PATJ: variants seen among roughly 807,000 people sequenced by gnomAD.
PATJ encodes inaD-like protein.
PATJ carries 190 observed loss-of-function variants against 224.9 expected under a neutral mutation model. That is an observed-to-expected ratio of 0.84 (90% CI 0.75 to 0.95). The LOEUF is 0.95. Ranked by LOEUF, PATJ falls within the 40% of genes least tolerant of loss-of-function variation. The pLI, the probability that PATJ is intolerant of heterozygous loss-of-function variation, is 0.00. For synonymous variants in PATJ, 769 were observed against 820.3 expected, an observed-to-expected ratio of 0.94 and a Z score of 1.07; for missense variants, 2,121 against 2,270.3, an observed-to-expected ratio of 0.93 and a Z score of 1.34.
intron 17 of PATJ, among the ~76,000 whole-genome samples, chr1:61,843,756 T>C (rs937043526): frequency 5.3e-5 from 8 of 152,038 alleles, no homozygotes; most frequent in Non-Finnish European, 4.4e-5. Context: ...TGCCTATGCT[T>C]TTCTTAACTC....
chr1:62,123,123 T>C (rs1238001989), intron 39 of PATJ, 65 bp downstream of exon 39: 3 of 1,125,416 alleles, frequency 2.7e-6, no homozygotes, highest in African/African-American at 1.6e-5. Context: ...AAATGTACAT[T>C]TTCCCCAATA....
intron 37 of PATJ, among the ~76,000 whole-genome samples, chr1:62,119,301 C>T (rs1664794516): frequency 6.6e-6 from 1 of 152,118 alleles, no homozygotes; most frequent in African/African-American, 2.4e-5. Flanking sequence ...TGAAGACTGA[C>T]CCTGGTGGGC....
chr1:62,139,765 T>TTTC (rs199945328), intron 41 of PATJ, among the ~76,000 whole-genome samples: 4,773 of 151,628 alleles, frequency 0.031, 125 homozygotes, highest in South Asian at 0.11. Flanking sequence ...CTTTTTTTTT[T>TTTC]TTCTTTTTTT....
chr1:62,117,379 T>G, intron 37 of PATJ, 161 bp downstream of exon 37: 1 of 1,424,378 alleles, frequency 7.0e-7, no homozygotes, highest in Non-Finnish European at 9.1e-7. Context: ...AAATGAAAGG[T>G]GGGATGGAAA....
intron 41 of PATJ, among the ~76,000 whole-genome samples, chr1:62,129,937 AAAAAT>A (rs1666095896): frequency 6.6e-6 from 1 of 152,124 alleles, no homozygotes; most frequent in Admixed American, 6.6e-5. Flanking sequence ...AGACTGTCTC[AAAAAT>A]AAAATAAAAT....
chr1:61,887,535 C>A (rs1669058971), intron 22 of PATJ, among the ~76,000 whole-genome samples: 1 of 152,060 alleles, frequency 6.6e-6, no homozygotes, highest in Non-Finnish European at 1.5e-5. Flanking sequence ...AAATATTTAC[C>A]CTCTTTTTCC....
At chr1:61,944,009 G>A (rs1678261809) in intron 27 of PATJ, among the ~76,000 whole-genome samples, 1 of 152,184 alleles carries the variant, frequency 6.6e-6, no homozygotes, top group Admixed American at 6.5e-5. Flanking sequence ...TGAGGGTCCT[G>A]ACTGTTAGAA....
intron 1 of PATJ, among the ~76,000 whole-genome samples, chr1:61,761,858 G>C (rs1393482756): frequency 2.0e-5 from 3 of 151,586 alleles, no homozygotes; most frequent in African/African-American, 7.3e-5. Flanking sequence ...GCTGATTTTT[G>C]AATTTTTTTT....
chr1:61,866,397 A>C (rs1665432311), intron 20 of PATJ, among the ~76,000 whole-genome samples: 1 of 152,216 alleles, frequency 6.6e-6, no homozygotes, highest in Admixed American at 6.5e-5. Context: ...TGAGATGTTA[A>C]ATTTTTTTTG....
At chr1:62,131,868 TA>T (rs1666296662) in intron 41 of PATJ, among the ~76,000 whole-genome samples, 1 of 97,840 alleles carries the variant, frequency 1.0e-5, no homozygotes, top group Non-Finnish European at 2.1e-5. Context: ...ATGAATGAAT[TA>T]TTATTTTTTT....
At chr1:61,823,658 A>G (rs1464769663) in intron 15 of PATJ, among the ~76,000 whole-genome samples, 2 of 152,232 alleles carry the variant, frequency 1.3e-5, no homozygotes, top group Non-Finnish European at 2.9e-5. Context: ...AGGATACACA[A>G]GAAGCCCTAG....
chr1:61,902,091 CGTG>C (rs1389841390), intron 24 of PATJ, among the ~76,000 whole-genome samples: 1 of 151,928 alleles, frequency 6.6e-6, no homozygotes, highest in Non-Finnish European at 1.5e-5. Context: ...CGTAGTGGCA[CGTG>C]CCTGTATTCC....
chr1:61,892,932 CTATTGATCA>C (rs1341908194), intron 22 of PATJ, among the ~76,000 whole-genome samples: 2 of 152,016 alleles, frequency 1.3e-5, no homozygotes, highest in African/African-American at 4.8e-5. Context: ...ACTGATTGAG[CTATTGATCA>C]TACTTAGTGA....
At chr1:62,134,407 G>A (rs921960704) in intron 41 of PATJ, among the ~76,000 whole-genome samples, 3 of 147,436 alleles carry the variant, frequency 2.0e-5, no homozygotes, top group Non-Finnish European at 4.5e-5. Context: ...GTGCAATGGC[G>A]TGATCCTGGC....
intron 17 of PATJ, among the ~76,000 whole-genome samples, chr1:61,849,699 C>T (rs1244602096): frequency 1.3e-5 from 2 of 152,208 alleles, no homozygotes; most frequent in African/African-American, 4.8e-5. Context: ...TCAAAATTAT[C>T]AAAGGAAATA....
chr1:62,000,269 A>G (rs1251985386), intron 28 of PATJ, among the ~76,000 whole-genome samples: 2 of 150,090 alleles, frequency 1.3e-5, no homozygotes, highest in East Asian at 2.0e-4. Flanking sequence ...ACATATGTAT[A>G]CATGTGCCAT....
chr1:62,025,788 A>G (rs760396026), intron 29 of PATJ, among the ~76,000 whole-genome samples: 3 of 152,194 alleles, frequency 2.0e-5, no homozygotes, highest in Non-Finnish European at 2.9e-5. Context: ...GTGCCACTGC[A>G]CTCCACCCTG....
intron 14 of PATJ, among the ~76,000 whole-genome samples, chr1:61,814,547 T>TGTGTGTGTGTGTGTGTGTGC (rs370488022): frequency 2.1e-5 from 3 of 142,570 alleles, no homozygotes; most frequent in African/African-American, 8.1e-5. Flanking sequence ...TGTGTGTGTG[T>TGTGTGTGTGTGTGTGTGTGC]GCGCGCGCGC....
Position 61,901,342 on chromosome 1 carries a change from T to C in PATJ, c.3264T>C (p.Thr1088=). The C allele has an allele frequency of 1.3e-6, 2 of 1,582,314 alleles. No homozygotes were observed. Among genetic ancestry groups the C allele is most frequent in the East Asian group, 2.3e-5 (1 of 42,866 alleles). The part of the protein sequence containing the change: ...SLGISIVGGQ[T]VIKRLKNGEE... ...GGATCAGTATTGTTGGTGGACAAAC[T>C]GTTATAAAACGTCTAAAGAATGGAG... Residue 1088 remains threonine (T), a synonymous_variant, in exon 24 of 44, where the codon ACT becomes ACC. Coordinates refer to ENST00000642238, the MANE Select transcript of PATJ (RefSeq NM_001350145.3).
Sources: allele counts gnomAD v4.1 joint callset (sites outside exome capture counted in the v4.1 genomes callset), GRCh38; gene constraint gnomAD v4.1.1; transcripts MANE v1.5; gene names NCBI Gene and HGNC (gene_info 2026-07-23, HGNC 2026-07-21).